NIN: variants seen among roughly 807,000 people sequenced by gnomAD.
NIN encodes the protein ninein, also known as glycogen synthase kinase 3 beta-interacting protein.
NIN carries 137 observed loss-of-function variants against 257.6 expected under a neutral mutation model. The ratio of observed to expected loss-of-function variants is 0.53; its 90% CI spans 0.46 to 0.61. The LOEUF is 0.61. NIN is among the 20% of genes least tolerant of loss of function. The probability of loss-of-function intolerance (pLI) is 0.00; values close to 1 mark genes in which losing one functional copy is unlikely to be tolerated. For synonymous variants in NIN, 918 were observed against 919.8 expected, an observed-to-expected ratio of 1.00 and a Z score of 0.04; for missense variants, 2,439 against 2,501.2, an observed-to-expected ratio of 0.98 and a Z score of 0.53.
At chr14:50,771,822 C>A (rs1000275513) in intron 9 of NIN, among the ~76,000 whole-genome samples, 1 of 151,954 alleles carries the variant, frequency 6.6e-6, no homozygotes, top group Non-Finnish European at 1.5e-5. Flanking sequence ...CCTGTCTCTA[C>A]TAAAAATACA....
At chr14:50,766,432 C>T (rs374200864) in intron 13 of NIN, 36 bp from the exon 14 acceptor site, 37 of 1,595,508 alleles carry the variant, frequency 2.3e-5, no homozygotes, top group Middle Eastern at 1.7e-4. Flanking sequence ...TCATTTTTCC[C>T]GAGTGCCCTT....
chr14:50,736,775 C>A (rs1402944746), intron 27 of NIN, among the ~76,000 whole-genome samples: 1 of 152,072 alleles, frequency 6.6e-6, no homozygotes, highest in African/African-American at 2.4e-5. Context: ...TGCAAATGGT[C>A]ATGATAACTT....
chr14:50,768,187 A>G (rs1265376942), intron 12 of NIN, among the ~76,000 whole-genome samples: 2 of 152,172 alleles, frequency 1.3e-5, no homozygotes, highest in Non-Finnish European at 2.9e-5. Context: ...AAAAGAATAC[A>G]GAGCCAGTAT....
rs536120185 is a variant in NIN, at chr14:50,763,788, G to C, written c.1774+38C>G. The C allele has an allele frequency of 7.6e-6, 12 of 1,583,208 alleles. No homozygotes were observed. The East Asian group carries it at 1.6e-4, about 21-fold the overall frequency. Reference sequence around the variant, plus strand: ...TTGAACCACGTTTCTAAAAACAAGAGTAAAGGCTTTATCTACAGCCTGTCC... The same window carrying C: ...TTGAACCACGTTTCTAAAAACAAGACTAAAGGCTTTATCTACAGCCTGTCC... On this transcript the variant is annotated intron_variant, in intron 15 of 30. Transcript: ENST00000530997.
intron 21 of NIN, among the ~76,000 whole-genome samples, chr14:50,752,228 C>A (rs2041819231): frequency 6.6e-6 from 1 of 151,382 alleles, no homozygotes; most frequent in Admixed American, 6.6e-5. Flanking sequence ...AAACATAGGT[C>A]TAATTTTATC....
At chr14:50,736,849 G>C (rs1259070129) in intron 27 of NIN, among the ~76,000 whole-genome samples, 3 of 152,114 alleles carry the variant, frequency 2.0e-5, no homozygotes, top group Admixed American at 2.0e-4. Flanking sequence ...TTTCTAAACA[G>C]ACCATATTTT....
chr14:50,738,010 A>G, intron 27 of NIN, 130 bp downstream of exon 27: 1 of 857,694 alleles, frequency 1.2e-6, no homozygotes, highest in South Asian at 1.9e-5. Context: ...ACAAGATAAC[A>G]GCATAAAGAG....
rs73297368 is a variant in NIN at position 50,784,625 on chromosome 14, C to T, written c.436-5821G>A. 9.7e-3 allele frequency among the ~76,000 whole-genome samples: 1,471 copies of T among 152,338 alleles called. 25 individuals carry two copies. Among genetic ancestry groups the T allele is most frequent in the African/African-American group, 0.034 (1,417 of 41,566 alleles). ...AAAGAACAAACCCAGAAGAGACTCT[C>T]TTTAAAATCTACAGCCTTGATATGT... On this transcript the variant is annotated intron_variant, in intron 5 of 30. Transcript: ENST00000530997.
chr14:50,760,024 G>A lies in NIN; in HGVS notation c.2232C>T (p.Gly744=), dbSNP rs79883334. The stretch of plus-strand genomic sequence containing the variant: ...CTTCTGTCCAGGCGCTACTCTGAAG[G>A]CCTTCCCTCTCCCGCTCAAAGCTTG... The part of the protein sequence containing the change: ...AQASFERERE[G]LQSSAWTEEK... Residue 744 remains glycine (G), a synonymous_variant, in exon 17 of 31, where the codon GGC becomes GGT. Transcript: ENST00000530997. 2 of 1,614,174 alleles carry A rather than the reference G, an allele frequency of 1.2e-6. No homozygotes were observed. Among genetic ancestry groups the A allele is most frequent in the East Asian group, 4.5e-5 (2 of 44,884 alleles).
At chr14:50,803,338 G>A (rs2044178881) in intron 4 of NIN, among the ~76,000 whole-genome samples, 1 of 152,234 alleles carries the variant, frequency 6.6e-6, no homozygotes, top group Non-Finnish European at 1.5e-5. Context: ...GGGCAACAGA[G>A]TGAGACTCCA....
chr14:50,828,102 CA>C (rs34448875), intron 2 of NIN, among the ~76,000 whole-genome samples: 36,069 of 138,396 alleles, frequency 0.26, 4,857 homozygotes, highest in African/African-American at 0.41. Flanking sequence ...ATGTTTGTTA[CA>C]AAAAAAAAAA....
chr14:50,772,243 A>G, intron 9 of NIN, 58 bp downstream of exon 9: 1 of 1,456,422 alleles, frequency 6.9e-7, no homozygotes, highest in Non-Finnish European at 9.4e-7. Context: ...AAAAAATAAA[A>G]TTGAAAATTT....
intron 30 of NIN, 60 bp downstream of exon 30, chr14:50,725,893 A>G (rs1335823430): frequency 6.2e-7 from 1 of 1,613,834 alleles, no homozygotes; most frequent in South Asian, 1.1e-5. Flanking sequence ...AAAGGGATGT[A>G]AAACTGGAGT....
intron 3 of NIN, among the ~76,000 whole-genome samples, chr14:50,817,840 C>T (rs542653862): frequency 5.4e-4 from 82 of 152,066 alleles, no homozygotes; most frequent in Admixed American, 5.9e-4. Flanking sequence ...CTCAGCCTCC[C>T]GAGTAGCTAG....
intron 9 of NIN, 67 bp from the exon 10 acceptor site, chr14:50,771,535 T>C (rs897668524): frequency 8.4e-6 from 13 of 1,554,668 alleles, no homozygotes; most frequent in Middle Eastern, 1.7e-4. Flanking sequence ...AAGCAGAAAA[T>C]GTGAAGGCTA....
chr14:50,801,623 T>G, intron 4 of NIN, among the ~76,000 whole-genome samples: 1 of 152,168 alleles, frequency 6.6e-6, no homozygotes, highest in East Asian at 1.9e-4. Context: ...CTTCAATCAC[T>G]GAAATCAATA....
intron 26 of NIN, among the ~76,000 whole-genome samples, chr14:50,738,971 C>T (rs935745401): frequency 2.0e-5 from 3 of 152,076 alleles, no homozygotes; most frequent in African/African-American, 4.8e-5. Flanking sequence ...CCTGCAAGAT[C>T]TGAGTCTAGT....
At chr14:50,762,549 T>TA (rs1414084898) in intron 15 of NIN, among the ~76,000 whole-genome samples, 1 of 152,176 alleles carries the variant, frequency 6.6e-6, no homozygotes, top group Non-Finnish European at 1.5e-5. Context: ...GCTAAAATTT[T>TA]AAAAAACAGG....
chr14:50,796,245 TATTA>T (rs1566856749), intron 4 of NIN, among the ~76,000 whole-genome samples: 1 of 152,148 alleles, frequency 6.6e-6, no homozygotes, highest in Admixed American at 6.5e-5. Context: ...CTGGAAAGCT[TATTA>T]TGAGACACAC....
Sources: gnomAD v4.1 joint callset for allele counts (sites outside exome capture counted in the v4.1 genomes callset) on GRCh38, gnomAD v4.1.1 for gene constraint, MANE v1.5 for transcripts, NCBI Gene and HGNC (gene_info 2026-07-23, HGNC 2026-07-21) for gene names.